Variants in LY75 observed in about 807,000 individuals in gnomAD.
LY75 encodes C-type lectin domain family 13 member B.
A neutral mutation model predicts 231.7 loss-of-function variants in LY75; 185 were observed. The ratio of observed to expected loss-of-function variants is 0.80; its 90% CI spans 0.71 to 0.90. The LOEUF (loss-of-function observed/expected upper bound fraction) is 0.90. LY75 is among the 40% of genes least tolerant of loss of function. The probability of loss-of-function intolerance (pLI) is 0.00; values close to 1 mark genes in which losing one functional copy is unlikely to be tolerated. For synonymous variants in LY75, 668 were observed against 689.0 expected (o/e 0.97, Z 0.48); for missense variants, 1,947 against 2,050.2 (o/e 0.95, Z 0.97).
chr2:159,894,029 T>A lies in LY75; in HGVS notation c.522A>T (p.Leu174Phe), dbSNP rs769834217. Residue 174 changes from leucine to phenylalanine, a missense_variant, in exon 3 of 35, where the codon TTA becomes TTT. Leu to Phe is a conservative substitution (Grantham distance 22). Coordinates refer to ENST00000263636, the MANE Select transcript of LY75 (RefSeq NM_002349.4). ...SYGRPCEFPF[L>F]IDGTWHHDCI... ...AATCATGATGCCAGGTCCCATCAAT[T>A]AAGAATGGAAATTCACAAGGTCTCC... 6 of 1,613,858 alleles carry A rather than the reference T, an allele frequency of 3.7e-6. No homozygotes were observed. The South Asian group carries it at 5.5e-5, about 15-fold the overall frequency.
intron 28 of LY75, among the ~76,000 whole-genome samples, chr2:159,823,617 C>T (rs776585909): frequency 2.6e-5 from 4 of 152,032 alleles, no homozygotes; most frequent in Admixed American, 6.5e-5. Flanking sequence ...AGATACTCCT[C>T]GAGAGGAGCA....
In LY75 at chr2:159,854,388, A is replaced by G; in HGVS notation, c.2567T>C (p.Leu856Pro). Reference sequence around the variant, plus strand: ...TGCTATTTTGTTTTTGATGGCTTTTAGTCCCACAAAAGATGTTATAGTTGC... The same window carrying G: ...TGCTATTTTGTTTTTGATGGCTTTTGGTCCCACAAAAGATGTTATAGTTGC... ...FLATITSFVG[L>P]KAIKNKIANI... Residue 856 changes from leucine (L) to proline (P), a missense_variant, in exon 18 of 35, where the codon CTA becomes CCA. Coordinates refer to ENST00000263636, the MANE Select transcript of LY75 (RefSeq NM_002349.4). 6.7e-7 allele frequency: 1 copy of G among 1,497,384 alleles called. No homozygotes were observed. The highest frequency in any genetic ancestry group is 1.5e-5 in the South Asian group (1 of 67,530). The allele number at this position is 1,497,384 out of a possible 1,614,324, so 92.8% of individuals were successfully genotyped here.
At chr2:159,874,200 AAT>A (rs1175460914) in intron 12 of LY75, among the ~76,000 whole-genome samples, 1 of 109,178 alleles carries the variant, frequency 9.2e-6, no homozygotes, top group African/African-American at 3.6e-5. Flanking sequence ...ATATATTGTA[AAT>A]ATATATAGTA....
At chr2:159,807,553 G>C (rs771801807) in intron 33 of LY75, 396 of 836,292 alleles carry the variant, frequency 4.7e-4, no homozygotes, top group Non-Finnish European at 5.4e-4. Flanking sequence ...TGGTGGAAGA[G>C]GAAGGGTGCA....
At chr2:159,852,061 C>T in intron 21 of LY75, 140 bp downstream of exon 21, 1 of 1,256,258 alleles carries the variant, frequency 8.0e-7, no homozygotes, top group Non-Finnish European at 1.1e-6. Flanking sequence ...TTTCTGGCAA[C>T]ACAGAGGGCC....
rs750645055 is a variant in LY75 at position 159,808,555 on chromosome 2, G to C, written c.4716C>G (p.Ile1572Met). ...TCTCATCTTCATCTTTTATGGAAAC[G>C]ATAGTTGCAGAGTGATCTGTTGAAA... Reference protein sequence around the residue: ...LCSKHDHSATIVSIKDEDENK... With the variant: ...LCSKHDHSATMVSIKDEDENK... Residue 1572 changes from isoleucine to methionine, a missense_variant, in exon 33 of 35, where the codon ATC becomes ATG. Transcript: ENST00000263636. 4 of 1,613,440 alleles carry C rather than the reference G, an allele frequency of 2.5e-6. No homozygotes were observed. Among genetic ancestry groups the C allele is most frequent in the Non-Finnish European group, 3.4e-6 (4 of 1,179,910 alleles).
At chr2:159,860,484 C>G (rs1189680365) in intron 15 of LY75, among the ~76,000 whole-genome samples, 1 of 152,156 alleles carries the variant, frequency 6.6e-6, no homozygotes, top group Non-Finnish European at 1.5e-5. Context: ...TTTGTAGAAA[C>G]TCTATCCATC....
At chr2:159,806,929 G>A in intron 34 of LY75, 44 bp downstream of exon 34, 1 of 1,562,372 alleles carries the variant, frequency 6.4e-7, no homozygotes. Flanking sequence ...TTTATTTCCT[G>A]ACTGTTCTGC....
chr2:159,858,546 C>A, intron 15 of LY75, 70 bp from the exon 16 acceptor site: 1 of 1,484,470 alleles, frequency 6.7e-7, no homozygotes, highest in Non-Finnish European at 8.9e-7. Flanking sequence ...AAACTGTAAG[C>A]CCTATGACTT....
Position 159,893,982 on chromosome 2 carries a change from C to T in LY75, c.569G>A (p.Ser190Asn), listed in dbSNP as rs528715430. 7 of 1,613,910 alleles carry T rather than the reference C, an allele frequency of 4.3e-6. No homozygotes were observed. Among genetic ancestry groups the T allele is most frequent in the Middle Eastern group, 1.7e-4 (1 of 6,058 alleles). Reference protein sequence around the residue: ...HHDCILDEDHSGPWCATTLNY... With the variant: ...HHDCILDEDHNGPWCATTLNY... ...TAAGGTGGTGGCACACCATGGCCCACTATGATCTTCATCAAGAATGCAATC... is the reference window on the plus strand; with the variant it reads ...TAAGGTGGTGGCACACCATGGCCCATTATGATCTTCATCAAGAATGCAATC... The change falls in exon 3 of 35, where the codon AGT (serine) becomes AAT (asparagine). Residue 190 changes from serine (S) to asparagine (N), a missense_variant. Physicochemically the swap from Ser to Asn is conservative, Grantham distance 46. Transcript: ENST00000263636.
chr2:159,893,970 C>A lies in LY75; in HGVS notation c.581G>T (p.Cys194Phe). 6.2e-7 allele frequency: 1 copy of A among 1,613,810 alleles called. No individual in the cohort carries two copies. Among genetic ancestry groups the A allele is most frequent in the Non-Finnish European group, 8.5e-7 (1 of 1,179,838 alleles). The change falls in exon 3 of 35, where the codon TGT becomes TTT. Residue 194 changes from cysteine to phenylalanine, a missense_variant. Coordinates refer to ENST00000263636, the MANE Select transcript of LY75 (RefSeq NM_002349.4). Reference sequence around the variant, plus strand: ...ATATTCATAATTTAAGGTGGTGGCACACCATGGCCCACTATGATCTTCATC... The same window carrying A: ...ATATTCATAATTTAAGGTGGTGGCAAACCATGGCCCACTATGATCTTCATC... ...ILDEDHSGPW[C>F]ATTLNYEYDR...
At position 159,881,240 on chromosome 2, in the gene LY75, T is replaced by C. The variant is rs1293326372; in HGVS notation, c.1247A>G (p.Asp416Gly). ...GCCTATCCACACTTCTTCTTTGATA[T>C]CTAAAAGAAAAATGTATTATTTGTT... The part of the protein sequence containing the change: ...EVVVTKLHNE[D>G]IKEEVWIGLK... Residue 416 changes from aspartate to glycine, a missense_variant and splice_region_variant, in exon 8 of 35, where the codon GAT becomes GGT. By Grantham distance (94) the Asp-to-Gly change is moderately conservative. Coordinates refer to ENST00000263636, the MANE Select transcript of LY75 (RefSeq NM_002349.4). 4.4e-6 allele frequency: 7 copies of C among 1,608,288 alleles called. No individual in the cohort carries two copies. Among genetic ancestry groups the C allele is most frequent in the Non-Finnish European group, 5.1e-6 (6 of 1,177,814 alleles).
In LY75 at chr2:159,897,904, C is replaced by T. The variant is rs190084562; in HGVS notation, c.466+784G>A. 4.0e-3 allele frequency among the ~76,000 whole-genome samples: 605 copies of T among 152,166 alleles called. 6 individuals are homozygous for T. The highest frequency in any genetic ancestry group is 0.013 in the African/African-American group (537 of 41,512). On this transcript the variant is annotated intron_variant, in intron 2 of 34. Transcript: ENST00000263636. ...TAGACTCAGGGCTAAGTCCATGGTC[C>T]GCTCCCCGCAAGGCAATATTAATAT...
chr2:159,877,355 T>C (rs1183280749), intron 11 of LY75, among the ~76,000 whole-genome samples: 3 of 152,242 alleles, frequency 2.0e-5, no homozygotes, highest in Non-Finnish European at 4.4e-5. Context: ...GAATGCTTTA[T>C]ACTGCTGTCT....
intron 23 of LY75, among the ~76,000 whole-genome samples, chr2:159,848,103 CAT>C (rs1684268168): frequency 2.2e-5 from 3 of 137,684 alleles, no homozygotes; most frequent in Non-Finnish European, 4.5e-5. Flanking sequence ...TACACACACA[CAT>C]ACACACACCA....
At chr2:159,835,412 C>A in intron 26 of LY75, 68 bp downstream of exon 26, 1 of 1,428,180 alleles carries the variant, frequency 7.0e-7, no homozygotes, top group Non-Finnish European at 9.2e-7. Flanking sequence ...TAAAACCACT[C>A]CTCAGAAATT....
At chr2:159,865,382 G>A (rs532753919) in intron 13 of LY75, among the ~76,000 whole-genome samples, 2 of 152,174 alleles carry the variant, frequency 1.3e-5, no homozygotes, top group South Asian at 2.1e-4. Flanking sequence ...GTTTAAACAA[G>A]CATTTGAGTA....
intron 1 of LY75, 67 bp from the exon 2 acceptor site, chr2:159,899,126 G>C: frequency 1.3e-6 from 2 of 1,559,434 alleles, no homozygotes; most frequent in African/African-American, 1.3e-5. Context: ...GCCTGCTGAG[G>C]AGAGTCTGAG....
At chr2:159,864,516 C>T (rs1258003149) in intron 14 of LY75, among the ~76,000 whole-genome samples, 2 of 152,078 alleles carry the variant, frequency 1.3e-5, no homozygotes, top group Non-Finnish European at 1.5e-5. Flanking sequence ...TCATTGTGTG[C>T]TCTTGGTATC....
Sources: allele counts gnomAD v4.1 joint callset (sites outside exome capture counted in the v4.1 genomes callset), GRCh38; gene constraint gnomAD v4.1.1; transcripts MANE v1.5; gene names NCBI Gene and HGNC (gene_info 2026-07-23, HGNC 2026-07-21).